The following MAST2 variants were observed in gnomAD, a reference collection of about 807,000 sequenced individuals.
The protein encoded by MAST2 is microtubule-associated serine/threonine-protein kinase 2.
MAST2 carries 70 observed loss-of-function variants against 147.4 expected under a neutral mutation model. That is an observed-to-expected ratio of 0.47 (90% CI 0.39 to 0.58). The LOEUF (loss-of-function observed/expected upper bound fraction) is 0.58, where lower values mean the gene tolerates loss of function less well. Among genes scored for constraint, MAST2 ranks in the 20% least tolerant of loss-of-function variants. MAST2 has a pLI of 0.00. For missense variants in MAST2, 2,080 were observed against 2,302.3 expected (o/e 0.90, Z 1.98); for synonymous variants, 869 against 896.8 (o/e 0.97, Z 0.55).
At chr1:45,921,088 C>T (rs1169801242) in intron 4 of MAST2, among the ~76,000 whole-genome samples, 6 of 152,288 alleles carry the variant, frequency 3.9e-5, no homozygotes, top group African/African-American at 1.2e-4. Context: ...CTCCATCTCC[C>T]GGGTTCAAGC....
At chr1:45,988,560 A>C (rs1220481648) in intron 5 of MAST2, among the ~76,000 whole-genome samples, 1 of 152,176 alleles carries the variant, frequency 6.6e-6, no homozygotes, top group East Asian at 1.9e-4. Context: ...AATGTATATT[A>C]GTACTGTTTG....
intron 3 of MAST2, among the ~76,000 whole-genome samples, chr1:45,869,620 TA>T (rs1477189354): frequency 2.0e-5 from 3 of 152,240 alleles, no homozygotes; most frequent in Non-Finnish European, 4.4e-5. Context: ...CTTTTTACTT[TA>T]TAACAGCTTT....
At chr1:45,821,713 T>G (rs1644637180) in intron 1 of MAST2, among the ~76,000 whole-genome samples, 1 of 151,268 alleles carries the variant, frequency 6.6e-6, no homozygotes, top group Non-Finnish European at 1.5e-5. Flanking sequence ...GAGACGGGGT[T>G]TCACCATGTT....
rs1213984907 is a variant in MAST2, at chr1:46,035,936, A to C, written c.5267A>C (p.Asp1756Ala). ...GATGCCTCAGGTGACAGAAGGCAGG[A>C]CGTTCCATGCCGAGGCTGCCCCCTC... Reference protein sequence around the residue: ...VPDASGDRRQDVPCRGCPLTQ... With the variant: ...VPDASGDRRQAVPCRGCPLTQ... Residue 1756 changes from aspartate (D) to alanine (A), a missense_variant, in exon 29 of 29, where the codon GAC becomes GCC. This residue lies in a region of MAST2 where 1,278 missense variants were observed against 1,304.2 expected (regional missense o/e 0.98). Coordinates refer to ENST00000361297, the MANE Select transcript of MAST2 (RefSeq NM_015112.3). The surrounding 1 kb of genome is among the most constrained non-coding windows in gnomAD (Gnocchi z 5.5). The C allele has an allele frequency of 6.2e-7, 1 of 1,614,036 alleles. No homozygotes were observed. The highest frequency in any genetic ancestry group is 8.5e-7 in the Non-Finnish European group (1 of 1,180,024).
chr1:46,011,300 A>G (rs570408882), intron 10 of MAST2, among the ~76,000 whole-genome samples: 2 of 152,312 alleles, frequency 1.3e-5, no homozygotes, highest in East Asian at 3.9e-4. Flanking sequence ...TACTGGAAAT[A>G]CTGGTTTAAG....
chr1:46,032,130 C>T, intron 24 of MAST2, 48 bp from the exon 25 acceptor site: 1 of 1,457,064 alleles, frequency 6.9e-7, no homozygotes, highest in Non-Finnish European at 9.6e-7. Flanking sequence ...GACCAGGGGC[C>T]AGGCCAAAGC....
chr1:45,859,540 G>T (rs1192398910), intron 3 of MAST2, among the ~76,000 whole-genome samples: 2 of 152,188 alleles, frequency 1.3e-5, no homozygotes, highest in Non-Finnish European at 2.9e-5. Flanking sequence ...CTCATAATTT[G>T]TTGTGGCCAG....
intron 5 of MAST2, among the ~76,000 whole-genome samples, chr1:45,960,679 G>A (rs968475507): frequency 2.0e-5 from 3 of 152,158 alleles, no homozygotes; most frequent in African/African-American, 7.2e-5. Context: ...TTTGCTGAAA[G>A]GGCTGCAGCA....
At chr1:45,933,383 T>G (rs935720179) in intron 4 of MAST2, among the ~76,000 whole-genome samples, 1 of 152,128 alleles carries the variant, frequency 6.6e-6, no homozygotes, top group Non-Finnish European at 1.5e-5. Flanking sequence ...CACTGATACC[T>G]CCACTTCTAA....
chr1:46,022,083 G>A lies in MAST2; in HGVS notation c.1423+1G>A, dbSNP rs371920722. 29 of 1,614,080 alleles carry A rather than the reference G, an allele frequency of 1.8e-5. No homozygotes were observed. Among genetic ancestry groups the A allele is most frequent in the Non-Finnish European group, 2.5e-5 (29 of 1,179,958 alleles). ...GGCCTCACCCGGGATCCCCTAGAAG[G>A]TGAGCATGCTGCCTAGTGGCTGCAA... On this transcript the variant is annotated splice_donor_variant, in intron 12 of 28. Coordinates refer to ENST00000361297, the MANE Select transcript of MAST2 (RefSeq NM_015112.3). LOFTEE classifies it high-confidence loss of function.
intron 5 of MAST2, among the ~76,000 whole-genome samples, chr1:45,995,474 A>G (rs1450036664): frequency 6.6e-6 from 1 of 152,216 alleles, no homozygotes; most frequent in Non-Finnish European, 1.5e-5. Context: ...GACTCAGACA[A>G]ATTTAACTTG....
intron 4 of MAST2, among the ~76,000 whole-genome samples, chr1:45,931,873 T>G (rs1655371509): frequency 6.6e-6 from 1 of 152,108 alleles, no homozygotes. Context: ...AAAATTTTTT[T>G]AGAGACAGGG....
intron 1 of MAST2, among the ~76,000 whole-genome samples, chr1:45,812,016 C>T (rs1473325877): frequency 3.9e-5 from 6 of 152,062 alleles, no homozygotes; most frequent in Middle Eastern, 3.4e-3. Context: ...GTGATCTGCC[C>T]GCCTTGGCCT....
intron 10 of MAST2, among the ~76,000 whole-genome samples, chr1:46,017,397 A>C (rs1321038134): frequency 6.6e-6 from 1 of 152,188 alleles, no homozygotes. Flanking sequence ...CAACCTACAA[A>C]ATGGGAGAAA....
chr1:45,805,750 G>A (rs1357309792), intron 1 of MAST2, among the ~76,000 whole-genome samples: 1 of 152,052 alleles, frequency 6.6e-6, no homozygotes, highest in East Asian at 1.9e-4. Flanking sequence ...CTCTACTTAT[G>A]TCCTTGATTT....
intron 1 of MAST2, among the ~76,000 whole-genome samples, chr1:45,808,329 C>T (rs1019423446): frequency 2.0e-5 from 3 of 152,120 alleles, no homozygotes; most frequent in Non-Finnish European, 4.4e-5. Flanking sequence ...CTCCCAGGTT[C>T]AAGCGTTTCT....
chr1:45,926,684 C>T (rs983210320), intron 4 of MAST2, among the ~76,000 whole-genome samples: 5 of 152,056 alleles, frequency 3.3e-5, no homozygotes, highest in East Asian at 1.9e-4. Flanking sequence ...GCAGGGAAAG[C>T]GCATCTTGAG....
At chr1:45,979,007 C>T (rs1375786419) in intron 5 of MAST2, among the ~76,000 whole-genome samples, 1 of 152,104 alleles carries the variant, frequency 6.6e-6, no homozygotes, top group Non-Finnish European at 1.5e-5. Context: ...GTAAATGTTA[C>T]ATGAAAGTTA....
At chr1:45,962,682 G>A (rs922970770) in intron 5 of MAST2, among the ~76,000 whole-genome samples, 6 of 152,156 alleles carry the variant, frequency 3.9e-5, no homozygotes, top group African/African-American at 1.4e-4. Flanking sequence ...CCCTTTGTCA[G>A]ATGAGTAGAT....
Sources: gnomAD v4.1 joint callset for allele counts (sites outside exome capture counted in the v4.1 genomes callset) on GRCh38, gnomAD v4.1.1 for gene constraint, gnomAD v4.1.1 regional missense constraint, Gnocchi (gnomAD v3.1) non-coding constraint, MANE v1.5 for transcripts, NCBI Gene and HGNC (gene_info 2026-07-23, HGNC 2026-07-21) for gene names.